Variants in GUCY1A1 observed in about 807,000 individuals in gnomAD.
The protein encoded by GUCY1A1 is guanylate cyclase soluble subunit alpha-1.
Under a neutral mutation model 64.5 loss-of-function variants are expected in GUCY1A1, and 48 were observed. That is an observed-to-expected ratio of 0.74 (90% confidence interval 0.59 to 0.95). GUCY1A1 has a LOEUF of 0.95. Among genes scored for constraint, GUCY1A1 ranks in the 40% least tolerant of loss-of-function variants. GUCY1A1 has a pLI of 0.00. For synonymous variants in GUCY1A1, 308 were observed against 303.4 expected, an observed-to-expected ratio of 1.02 and a Z score of -0.16; for missense variants, 804 against 825.3, an observed-to-expected ratio of 0.97 and a Z score of 0.32.
At chr4:155,722,929 T>C (rs1489170293) in intron 9 of GUCY1A1, among the ~76,000 whole-genome samples, 5 of 152,098 alleles carry the variant, frequency 3.3e-5, no homozygotes, top group Admixed American at 2.6e-4. Context: ...TGGAGTCTTA[T>C]TGTTTTCATT....
chr4:155,688,965 A>T lies in GUCY1A1; in HGVS notation c.-112-7791A>T, dbSNP rs193096514. ...GCCTTGAGTCTGCTGAGTTATGGAGACAAGAGAAAAATACAGGAAAATTGT... is the reference window on the plus strand; with the variant it reads ...GCCTTGAGTCTGCTGAGTTATGGAGTCAAGAGAAAAATACAGGAAAATTGT... On this transcript the variant is annotated intron_variant, in intron 2 of 9. Coordinates refer to ENST00000506455, the MANE Select transcript of GUCY1A1 (RefSeq NM_001130682.3). Among the ~76,000 whole-genome samples, 395 of 151,800 alleles carry T rather than the reference A, an allele frequency of 2.6e-3. 1 individual carries two copies. Among genetic ancestry groups the T allele is most frequent in the Non-Finnish European group, 2.0e-3 (136 of 67,980 alleles).
At chr4:155,697,208 T>C (rs925930069) in intron 3 of GUCY1A1, 86 bp downstream of exon 3, 17 of 937,870 alleles carry the variant, frequency 1.8e-5, no homozygotes, top group East Asian at 1.7e-4. Flanking sequence ...AAACACTTCC[T>C]TTCTCACTTT....
intron 2 of GUCY1A1, among the ~76,000 whole-genome samples, chr4:155,679,512 G>A (rs1560914002): frequency 6.6e-6 from 1 of 152,042 alleles, no homozygotes; most frequent in African/African-American, 2.4e-5. Context: ...AGGAAGCGAG[G>A]GAGAGAGAGA....
At chr4:155,703,208 T>C (rs1215725135) in intron 3 of GUCY1A1, among the ~76,000 whole-genome samples, 1 of 152,082 alleles carries the variant, frequency 6.6e-6, no homozygotes, top group Non-Finnish European at 1.5e-5. Flanking sequence ...ATAAGGAAAC[T>C]CATGAAATTC....
intron 9 of GUCY1A1, among the ~76,000 whole-genome samples, chr4:155,724,735 T>G (rs1734426935): frequency 6.6e-6 from 1 of 152,132 alleles, no homozygotes; most frequent in Non-Finnish European, 1.5e-5. Context: ...TTATCTTCTG[T>G]ATCTGAACTT....
intron 8 of GUCY1A1, among the ~76,000 whole-genome samples, chr4:155,718,489 A>G (rs2126916305): frequency 6.6e-6 from 1 of 152,258 alleles, no homozygotes; most frequent in Middle Eastern, 3.4e-3. Flanking sequence ...CATAGCAGGA[A>G]TACCTCGTCT....
intron 2 of GUCY1A1, among the ~76,000 whole-genome samples, chr4:155,669,918 A>T (rs1733897364): frequency 6.6e-6 from 1 of 152,144 alleles, no homozygotes; most frequent in African/African-American, 2.4e-5. Context: ...CACGATCTGC[A>T]CCCCCATAAT....
At chr4:155,686,752 T>G (rs886897855) in intron 2 of GUCY1A1, among the ~76,000 whole-genome samples, 2 of 152,198 alleles carry the variant, frequency 1.3e-5, no homozygotes, top group South Asian at 2.1e-4. Flanking sequence ...TATAAAATAG[T>G]TTTGGCTTAA....
In GUCY1A1 at chr4:155,733,989, A is replaced by G. The variant is rs750462142; in HGVS notation, c.*3758A>G. Among the ~76,000 whole-genome samples the G allele has an allele frequency of 2.0e-5, 3 of 151,930 alleles. No individual in the cohort carries two copies. Among genetic ancestry groups the G allele is most frequent in the African/African-American group, 4.8e-5 (2 of 41,404 alleles). ...GAATTTTATGTCACTCTCAAGGCTAATTAGTCTTTCAGATCCTTTGGTAGG... is the reference window on the plus strand; with the variant it reads ...GAATTTTATGTCACTCTCAAGGCTAGTTAGTCTTTCAGATCCTTTGGTAGG... On this transcript the variant is annotated 3_prime_UTR_variant, in exon 10 of 10. Coordinates refer to ENST00000506455, the MANE Select transcript of GUCY1A1 (RefSeq NM_001130682.3).
In GUCY1A1 at chr4:155,676,399, G is replaced by T. The variant is rs570624305; in HGVS notation, c.-113+8980G>T. Among the ~76,000 whole-genome samples, 549 of 148,896 alleles carry T rather than the reference G, an allele frequency of 3.7e-3. 5 individuals carry two copies. The highest frequency in any genetic ancestry group is 5.5e-3 in the Non-Finnish European group (373 of 67,746). ...TTCCACATCGGCATGTTATGGCCTT[G>T]ATTATCTACCTAAATCAAACCAGAG... On this transcript the variant is annotated intron_variant, in intron 2 of 9. Coordinates refer to ENST00000506455, the MANE Select transcript of GUCY1A1 (RefSeq NM_001130682.3).
At chr4:155,726,628 A>G (rs1734711237) in intron 9 of GUCY1A1, among the ~76,000 whole-genome samples, 1 of 151,926 alleles carries the variant, frequency 6.6e-6, no homozygotes, top group Non-Finnish European at 1.5e-5. Flanking sequence ...CAGAATACAT[A>G]CCTATACCAA....
chr4:155,715,467 G>A (rs1271331655), intron 7 of GUCY1A1, among the ~76,000 whole-genome samples: 1 of 152,144 alleles, frequency 6.6e-6, no homozygotes, highest in Non-Finnish European at 1.5e-5. Context: ...GCCAGCATGG[G>A]TGCGCAGTGG....
chr4:155,672,195 A>G (rs1176240686), intron 2 of GUCY1A1, among the ~76,000 whole-genome samples: 2 of 152,166 alleles, frequency 1.3e-5, no homozygotes, highest in East Asian at 3.8e-4. Context: ...TTGTTCCAGA[A>G]AGTCAAGGTC....
At chr4:155,708,190 G>A (rs1353906850) in intron 4 of GUCY1A1, 46 bp from the exon 5 acceptor site, 1 of 908,428 alleles carries the variant, frequency 1.1e-6, no homozygotes, top group Non-Finnish European at 1.8e-6. Flanking sequence ...TGAACTTTTA[G>A]CATGTATTTA....
chr4:155,727,374 A>G (rs1734845742), intron 9 of GUCY1A1, among the ~76,000 whole-genome samples: 1 of 151,960 alleles, frequency 6.6e-6, no homozygotes. Flanking sequence ...TAGAAGTTGT[A>G]TTCAGAAGAC....
intron 2 of GUCY1A1, among the ~76,000 whole-genome samples, chr4:155,680,922 TACACACACACACAC>T (rs10591570): frequency 6.7e-6 from 1 of 148,316 alleles, no homozygotes; most frequent in Non-Finnish European, 1.5e-5. Context: ...GTCGATTGGA[TACACACACACACAC>T]ACACACACAC....
At chr4:155,697,777 C>T (rs1730605116) in intron 3 of GUCY1A1, among the ~76,000 whole-genome samples, 1 of 152,148 alleles carries the variant, frequency 6.6e-6, no homozygotes, top group Non-Finnish European at 1.5e-5. Context: ...AGCTGCATAG[C>T]ATAGTGTCAT....
At chr4:155,689,007 G>T (rs115949462) in intron 2 of GUCY1A1, among the ~76,000 whole-genome samples, 1 of 150,778 alleles carries the variant, frequency 6.6e-6, no homozygotes, top group South Asian at 2.1e-4. Flanking sequence ...GTACTTCTAC[G>T]ACAGAGCATA....
At chr4:155,713,652 A>C (rs756186185) in intron 7 of GUCY1A1, 69 bp downstream of exon 7, 11 of 1,535,688 alleles carry the variant, frequency 7.2e-6, no homozygotes, top group Non-Finnish European at 9.7e-6. Context: ...TGTGCCTAGG[A>C]CCTGAATTAT....
Sources: allele counts gnomAD v4.1 joint callset (sites outside exome capture counted in the v4.1 genomes callset), GRCh38; gene constraint gnomAD v4.1.1; transcripts MANE v1.5; gene names NCBI Gene and HGNC (gene_info 2026-07-23, HGNC 2026-07-21).